The following RBPMS variants were observed in gnomAD, a reference collection of about 807,000 sequenced individuals.
The protein encoded by RBPMS is RNA binding protein, mRNA processing factor.
Under a neutral mutation model 26.8 loss-of-function variants are expected in RBPMS, and 7 were observed. The ratio of observed to expected loss-of-function variants is 0.26; its 90% confidence interval spans 0.15 to 0.49. RBPMS has a LOEUF of 0.49. Among genes scored for constraint, RBPMS ranks in the 20% least tolerant of loss-of-function variants. The pLI is 0.98. For synonymous variants in RBPMS, 96 were observed against 93.3 expected, an observed-to-expected ratio of 1.03 and a Z score of -0.17; for missense variants, 186 against 250.0, an observed-to-expected ratio of 0.74 and a Z score of 1.73.
intron 1 of RBPMS, among the ~76,000 whole-genome samples, chr8:30,408,958 G>A (rs533773743): frequency 3.3e-5 from 5 of 152,178 alleles, no homozygotes; most frequent in East Asian, 3.9e-4. Context: ...ATACAAGATC[G>A]GTCTTTTGGC....
At chr8:30,462,578 G>A (rs1303484101) in intron 1 of RBPMS, among the ~76,000 whole-genome samples, 1 of 151,824 alleles carries the variant, frequency 6.6e-6, no homozygotes, top group African/African-American at 2.4e-5. Context: ...CCACCACCAC[G>A]CCCAGCTAAT....
intron 5 of RBPMS, among the ~76,000 whole-genome samples, chr8:30,539,243 ACT>A (rs1825128050): frequency 6.6e-6 from 1 of 152,070 alleles, no homozygotes; most frequent in Non-Finnish European, 1.5e-5. Flanking sequence ...CTCCTGGAAG[ACT>A]CTGTCCCTGA....
intron 1 of RBPMS, among the ~76,000 whole-genome samples, chr8:30,449,203 T>A (rs55746754): frequency 6.6e-6 from 1 of 152,096 alleles, no homozygotes; most frequent in Admixed American, 6.5e-5. Flanking sequence ...AAAACTATAA[T>A]GTTTTTAAAC....
intron 4 of RBPMS, among the ~76,000 whole-genome samples, chr8:30,490,729 G>C (rs1355669406): frequency 2.0e-5 from 3 of 152,096 alleles, no homozygotes; most frequent in Non-Finnish European, 4.4e-5. Flanking sequence ...CCTCCCAACT[G>C]ACTTAGAGTT....
At chr8:30,410,297 C>T (rs531767565) in intron 1 of RBPMS, among the ~76,000 whole-genome samples, 1 of 152,286 alleles carries the variant, frequency 6.6e-6, no homozygotes, top group South Asian at 2.1e-4. Flanking sequence ...ACCTCAGCCT[C>T]TCCTGGGTTC....
intron 1 of RBPMS, among the ~76,000 whole-genome samples, chr8:30,388,465 T>C (rs1286217651): frequency 2.3e-5 from 3 of 128,076 alleles, no homozygotes; most frequent in Non-Finnish European, 5.0e-5. Context: ...AGCTAACTTA[T>C]AACTTATAGC....
chr8:30,492,793 C>T (rs1218100993), intron 4 of RBPMS, among the ~76,000 whole-genome samples: 1 of 152,182 alleles, frequency 6.6e-6, no homozygotes, highest in Non-Finnish European at 1.5e-5. Context: ...AGACTGGCTT[C>T]TTTAAGAATA....
At chr8:30,445,881 T>C (rs1321895261) in intron 1 of RBPMS, among the ~76,000 whole-genome samples, 2 of 151,898 alleles carry the variant, frequency 1.3e-5, no homozygotes, top group Non-Finnish European at 2.9e-5. Context: ...CCCAGGCTGT[T>C]CTGGAACTCC....
At chr8:30,458,409 C>T (rs556525143) in intron 1 of RBPMS, among the ~76,000 whole-genome samples, 1 of 152,204 alleles carries the variant, frequency 6.6e-6, no homozygotes, top group African/African-American at 2.4e-5. Flanking sequence ...TGTTATCCTT[C>T]CTATTTTGCA....
chr8:30,423,414 C>T (rs967437321), intron 1 of RBPMS, among the ~76,000 whole-genome samples: 2 of 152,124 alleles, frequency 1.3e-5, no homozygotes, highest in Non-Finnish European at 2.9e-5. Flanking sequence ...CTAGCTACCT[C>T]GGAGGGGACA....
intron 1 of RBPMS, among the ~76,000 whole-genome samples, chr8:30,423,820 T>TTTG: frequency 1.9e-5 from 1 of 51,964 alleles, no homozygotes; most frequent in South Asian, 3.7e-4. Context: ...TGGATGGGTT[T>TTTG]TTTGTTTTTT....
intron 4 of RBPMS, among the ~76,000 whole-genome samples, chr8:30,483,260 G>A (rs968359253): frequency 1.3e-5 from 2 of 152,132 alleles, no homozygotes; most frequent in Non-Finnish European, 2.9e-5. Flanking sequence ...GGACTCTTTA[G>A]TATATGTGCC....
intron 5 of RBPMS, chr8:30,537,558 G>T (rs540180297): frequency 7.9e-5 from 36 of 456,250 alleles, no homozygotes; most frequent in Non-Finnish European, 1.4e-4. Context: ...TTTACATAGA[G>T]AATATGTCTT....
intron 1 of RBPMS, among the ~76,000 whole-genome samples, chr8:30,433,525 A>T (rs572140681): frequency 2.6e-5 from 4 of 152,250 alleles, no homozygotes; most frequent in African/African-American, 9.6e-5. Flanking sequence ...ACAAAAAATT[A>T]ACCAGGTGTG....
Position 30,523,376 on chromosome 8 carries a change from C to CA in RBPMS, c.397+18955dup, listed in dbSNP as rs755294763. ...TGGGCAAGAGAGTGAAACTGTGTCT[C>CA]AAAAAAAAAAAAAAAGTAATAATGA... is the stretch of plus-strand genomic sequence containing the variant. On this transcript the variant is annotated intron_variant, in intron 5 of 8. Transcript: ENST00000397323. Among the ~76,000 whole-genome samples the CA allele has an allele frequency of 7.9e-3, 832 of 104,744 alleles. 4 individuals carry two copies. The highest frequency in any genetic ancestry group is 0.023 in the African/African-American group (635 of 27,880). The allele number at this position is 104,744 out of a possible 152,430, so 68.7% of individuals were successfully genotyped here.
chr8:30,425,870 A>AT (rs1811297083), intron 1 of RBPMS, among the ~76,000 whole-genome samples: 1 of 152,186 alleles, frequency 6.6e-6, no homozygotes, highest in South Asian at 2.1e-4. Flanking sequence ...GGGTAAAAAA[A>AT]CAGCAGAGAG....
intron 3 of RBPMS, among the ~76,000 whole-genome samples, chr8:30,478,168 T>C (rs1043218301): frequency 5.3e-5 from 8 of 152,190 alleles, no homozygotes; most frequent in Non-Finnish European, 1.0e-4. Context: ...AAACAAACTT[T>C]TACAATCAAT....
At chr8:30,517,237 T>TGA (rs1554533344) in intron 5 of RBPMS, among the ~76,000 whole-genome samples, 47 of 137,068 alleles carry the variant, frequency 3.4e-4, no homozygotes, top group African/African-American at 9.8e-4. Context: ...TGTGTGTGTG[T>TGA]GAAATACCAT....
chr8:30,439,245 G>A (rs527858023), intron 1 of RBPMS, among the ~76,000 whole-genome samples: 11 of 152,276 alleles, frequency 7.2e-5, no homozygotes, highest in African/African-American at 1.4e-4. Context: ...TGTGCTCTCC[G>A]TACATTTCAT....
Sources: gnomAD v4.1 joint callset for allele counts (sites outside exome capture counted in the v4.1 genomes callset) on GRCh38, gnomAD v4.1.1 for gene constraint, MANE v1.5 for transcripts, NCBI Gene and HGNC (gene_info 2026-07-23, HGNC 2026-07-21) for gene names.